Variants in HERC2 observed in about 807,000 individuals in gnomAD.
The protein encoded by HERC2 is HECT and RLD domain containing E3 ubiquitin protein ligase 2.
HERC2 carries 102 observed loss-of-function variants against 537.7 expected under a neutral mutation model. That is an observed-to-expected ratio of 0.19 (90% confidence interval 0.16 to 0.22). HERC2 has a LOEUF of 0.22. Ranked by LOEUF, HERC2 falls within the 10% of genes least tolerant of loss-of-function variation. The probability of loss-of-function intolerance (pLI) is 1.00; values close to 1 mark genes in which losing one functional copy is unlikely to be tolerated. For synonymous variants in HERC2, 2,224 were observed against 2,466.2 expected, an observed-to-expected ratio of 0.90 and a Z score of 2.91; for missense variants, 4,236 against 6,198.2, an observed-to-expected ratio of 0.68 and a Z score of 10.63.
In HERC2 at chr15:28,170,688, G is replaced by A. The variant is rs180703467; in HGVS notation, c.10058-1033C>T. ...GACTTCATCAAAATTAAACACTTTC[G>A]TTCTATGAAAGGAAACGAAAAGACA... On this transcript the variant is annotated intron_variant, in intron 65 of 92. Transcript: ENST00000261609. 3.4e-3 allele frequency among the ~76,000 whole-genome samples: 514 copies of A among 152,100 alleles called. 6 individuals carry two copies. Among genetic ancestry groups the A allele is most frequent in the African/African-American group, 0.011 (477 of 41,488 alleles).
chr15:28,198,442 G>A lies in HERC2; in HGVS notation c.7947C>T (p.Ala2649=). The A allele has an allele frequency of 6.2e-7, 1 of 1,613,696 alleles. No individual in the cohort carries two copies. The highest frequency in any genetic ancestry group is 8.5e-7 in the Non-Finnish European group (1 of 1,179,912). ...ATTTGTATTTTGGTGTGGTGACAGA[G>A]GCTTTGACCCGCACTTTATCACCAA... ...IKIGDKVRVK[A]SVTTPKYKWG... is the part of the protein sequence containing the mutation. The change falls in exon 50 of 93, where the codon GCC becomes GCT. Residue 2649 remains alanine, a synonymous_variant. Coordinates refer to ENST00000261609, the MANE Select transcript of HERC2 (RefSeq NM_004667.6).
chr15:28,254,539 T>C (rs772458726), intron 19 of HERC2, 21 bp from the exon 20 acceptor site: 5 of 1,548,486 alleles, frequency 3.2e-6, no homozygotes, highest in Non-Finnish European at 4.4e-6. Flanking sequence ...TAAAAAGAAA[T>C]TGTTTACAAG....
intron 35 of HERC2, 51 bp downstream of exon 35, chr15:28,228,167 A>C: frequency 6.6e-7 from 1 of 1,516,360 alleles, no homozygotes; most frequent in Non-Finnish European, 9.0e-7. Context: ...AAAGAAATCA[A>C]AGCAAAATCT....
intron 2 of HERC2, among the ~76,000 whole-genome samples, chr15:28,299,997 G>A (rs1286867598): frequency 2.0e-5 from 3 of 149,158 alleles, no homozygotes; most frequent in African/African-American, 7.4e-5. Flanking sequence ...AGGTTGCAGT[G>A]AGCCAAGATC....
At chr15:28,175,834 G>C (rs1895233903) in intron 63 of HERC2, among the ~76,000 whole-genome samples, 178 bp from the exon 64 acceptor site, 1 of 152,104 alleles carries the variant, frequency 6.6e-6, no homozygotes, top group Non-Finnish European at 1.5e-5. Context: ...AACTTATTAA[G>C]CCAGCTGGGA....
chr15:28,319,519 A>C (rs1415707632), intron 2 of HERC2, among the ~76,000 whole-genome samples: 2 of 150,016 alleles, frequency 1.3e-5, no homozygotes, highest in Non-Finnish European at 2.9e-5. Flanking sequence ...CGGGAGGCGG[A>C]AGTTGCAGTG....
At chr15:28,212,664 G>A in intron 42 of HERC2, 81 bp from the exon 43 acceptor site, 1 of 1,446,638 alleles carries the variant, frequency 6.9e-7, no homozygotes, top group Non-Finnish European at 9.6e-7. Flanking sequence ...AAAACCATGG[G>A]CTTAATCCTG....
intron 74 of HERC2, 152 bp downstream of exon 74, chr15:28,143,721 C>A (rs547997043): frequency 2.3e-6 from 2 of 878,220 alleles, no homozygotes; most frequent in African/African-American, 3.4e-5. Flanking sequence ...GGTGGCATTA[C>A]ACGCATGAGC....
chr15:28,301,673 G>T lies in HERC2; in HGVS notation c.73-2157C>A, dbSNP rs536705094. 1.4e-3 allele frequency among the ~76,000 whole-genome samples: 182 copies of T among 126,234 alleles called. 1 individual carries two copies. Among genetic ancestry groups the T allele is most frequent in the African/African-American group, 5.3e-3 (172 of 32,652 alleles). The allele number at this position is 126,234 out of a possible 152,430, so 82.8% of individuals were successfully genotyped here. On this transcript the variant is annotated intron_variant, in intron 2 of 92. Transcript: ENST00000261609. ...GCCATTTTTAATTAAAAGAGACACA[G>T]ATGTTTGCCCATCTTTTTTTTTTTT...
chr15:28,152,682 A>G lies in HERC2; in HGVS notation c.10895T>C (p.Ile3632Thr), dbSNP rs1238250521. 1.3e-6 allele frequency: 2 copies of G among 1,548,970 alleles called. No individual in the cohort carries two copies. Among genetic ancestry groups the G allele is most frequent in the Admixed American group, 2.0e-5 (1 of 51,004 alleles). Reference protein sequence around the residue: ...DDTSTSGTVKIPGAEGLRVEF... With the variant: ...DDTSTSGTVKTPGAEGLRVEF... Reference sequence around the variant, plus strand: ...GCTGGGGCCAGCCCCTGTACCTGGTATCTTCACTGTGCCACTGGTGGAGGT... The same window carrying G: ...GCTGGGGCCAGCCCCTGTACCTGGTGTCTTCACTGTGCCACTGGTGGAGGT... Residue 3632 changes from isoleucine to threonine, a missense_variant, in exon 70 of 93, where the codon ATA (isoleucine) becomes ACA (threonine). By Grantham distance (89) the Ile-to-Thr change is moderately conservative. This residue lies in a region of HERC2 where 356 missense variants were observed against 450.9 expected (regional missense o/e 0.79). Coordinates refer to ENST00000261609, the MANE Select transcript of HERC2 (RefSeq NM_004667.6).
intron 72 of HERC2, 50 bp from the exon 73 acceptor site, chr15:28,144,285 C>A (rs1216312861): frequency 6.3e-7 from 1 of 1,585,432 alleles, no homozygotes; most frequent in East Asian, 2.2e-5. Flanking sequence ...CTAGGTACCA[C>A]CCCATAAGAA....
chr15:28,251,133 A>G (rs1199422585), intron 20 of HERC2, among the ~76,000 whole-genome samples: 1 of 152,126 alleles, frequency 6.6e-6, no homozygotes, highest in Non-Finnish European at 1.5e-5. Flanking sequence ...GTGCAATTCA[A>G]AATGTTCTTG....
At chr15:28,163,341 G>T (rs1893809303) in intron 68 of HERC2, 56 bp from the exon 69 acceptor site, 15 of 1,510,740 alleles carry the variant, frequency 9.9e-6, no homozygotes, top group Non-Finnish European at 1.4e-5. Flanking sequence ...AAGAGATAAA[G>T]AGTCACCAGT....
chr15:28,126,001 A>C (rs902215550), intron 83 of HERC2, among the ~76,000 whole-genome samples: 8 of 151,554 alleles, frequency 5.3e-5, no homozygotes, highest in Non-Finnish European at 1.0e-4. Flanking sequence ...TAGCAGAGAC[A>C]GGGTTTCACC....
At chr15:28,283,118 A>G (rs1443442301) in intron 4 of HERC2, among the ~76,000 whole-genome samples, 1 of 150,106 alleles carries the variant, frequency 6.7e-6, no homozygotes, top group African/African-American at 2.4e-5. Flanking sequence ...ACGAAGGGAC[A>G]GGAGAAAGAA....
At chr15:28,114,507 T>C in intron 90 of HERC2, 105 bp downstream of exon 90, 1 of 978,528 alleles carries the variant, frequency 1.0e-6, no homozygotes, top group Non-Finnish European at 1.6e-6. Flanking sequence ...CCAAATCCAT[T>C]ACTTTACTGT....
At chr15:28,227,553 T>C (rs1363447237) in intron 35 of HERC2, among the ~76,000 whole-genome samples, 1 of 151,194 alleles carries the variant, frequency 6.6e-6, no homozygotes, top group Non-Finnish European at 1.5e-5. Flanking sequence ...GTGGTGGGAA[T>C]GTAAAAATGA....
At position 28,248,673 on chromosome 15, in the gene HERC2, C is replaced by T; in HGVS notation, c.3114G>A (p.Leu1038=). 6.2e-7 allele frequency: 1 copy of T among 1,614,022 alleles called. No homozygotes were observed. Among genetic ancestry groups the T allele is most frequent in the Non-Finnish European group, 8.5e-7 (1 of 1,179,890 alleles). ...TTTCACGACTGTGTTGCTCAAAGTC[C>T]AGACATGATGAAATCCGACGGGCAA... The part of the protein sequence containing the change: ...KDVARRISSC[L]DFEQHSRERS... The change falls in exon 21 of 93, where the codon CTG becomes CTA. Residue 1038 remains leucine, a synonymous_variant. Transcript: ENST00000261609.
chr15:28,218,737 A>T (rs1900199232), intron 37 of HERC2, 66 bp from the exon 38 acceptor site: 1 of 1,300,444 alleles, frequency 7.7e-7, no homozygotes, highest in Non-Finnish European at 1.1e-6. Flanking sequence ...TCCTGCATAT[A>T]ATTCAACAGC....
Sources: gnomAD v4.1 joint callset for allele counts (sites outside exome capture counted in the v4.1 genomes callset) on GRCh38, gnomAD v4.1.1 for gene constraint, gnomAD v4.1.1 regional missense constraint, MANE v1.5 for transcripts, NCBI Gene and HGNC (gene_info 2026-07-23, HGNC 2026-07-21) for gene names.